The following SIMC1 variants were observed in gnomAD, a reference collection of about 807,000 sequenced individuals.
SIMC1 encodes SUMO interacting motifs containing 1, also known as SUMO-interacting motif-containing protein 1.
A neutral mutation model predicts 82.3 loss-of-function variants in SIMC1; 55 were observed. The observed-to-expected ratio is 0.67, with a 90% confidence interval of 0.54 to 0.84. The LOEUF (loss-of-function observed/expected upper bound fraction) is 0.84. Ranked by LOEUF, SIMC1 falls within the 40% of genes least tolerant of loss-of-function variation. SIMC1 has a pLI of 0.00. For missense variants in SIMC1, 915 were observed against 1,107.2 expected, an observed-to-expected ratio of 0.83 and a Z score of 2.46; for synonymous variants, 353 against 426.3, an observed-to-expected ratio of 0.83 and a Z score of 2.12.
At chr5:176,299,161 A>G (rs946500152) in intron 4 of SIMC1, among the ~76,000 whole-genome samples, 30 of 152,228 alleles carry the variant, frequency 2.0e-4, no homozygotes, top group African/African-American at 6.8e-4. Context: ...TGGGAGACCA[A>G]TGTAGAAGGA....
At position 176,332,412 on chromosome 5, in the gene SIMC1, T is replaced by C. The variant is rs183028890; in HGVS notation, c.2172-4308T>C. Among the ~76,000 whole-genome samples, 351 of 152,280 alleles carry C rather than the reference T, an allele frequency of 2.3e-3. 2 individuals carry two copies. Among genetic ancestry groups the C allele is most frequent in the African/African-American group, 8.1e-3 (337 of 41,562 alleles). On this transcript the variant is annotated intron_variant, in intron 7 of 9. Transcript: ENST00000429602. ...TTCAAGAGATTCTCCTGCCTCAGCC[T>C]CCCAAGTAGCTGGGATTACAGGCAT...
chr5:176,282,547 C>T (rs1433634903), intron 1 of SIMC1, among the ~76,000 whole-genome samples: 17 of 152,106 alleles, frequency 1.1e-4, no homozygotes, highest in South Asian at 6.2e-4. Flanking sequence ...AGCTGTAGAC[C>T]GGAGCTGTTC....
rs146807539 is a variant in SIMC1 at position 176,330,253 on chromosome 5, T to C, written c.2171+5496T>C. On this transcript the variant is annotated intron_variant, in intron 7 of 9. Transcript: ENST00000429602. Reference sequence around the variant, plus strand: ...CTGTCTCTACTAAAAATAAAAAAATTAGCTGGGCATGGTAGCATACGCCTG... The same window carrying C: ...CTGTCTCTACTAAAAATAAAAAAATCAGCTGGGCATGGTAGCATACGCCTG... 2.5e-3 allele frequency among the ~76,000 whole-genome samples: 383 copies of C among 152,132 alleles called. 3 individuals are homozygous for C. Among genetic ancestry groups the C allele is most frequent in the African/African-American group, 8.7e-3 (363 of 41,534 alleles).
intron 9 of SIMC1, among the ~76,000 whole-genome samples, chr5:176,339,810 A>C (rs1353679877): frequency 6.6e-6 from 1 of 152,190 alleles, no homozygotes; most frequent in African/African-American, 2.4e-5. Context: ...AAGAGTTAGG[A>C]AGGAGGAAAA....
intron 7 of SIMC1, among the ~76,000 whole-genome samples, chr5:176,329,623 G>T (rs1053127642): frequency 1.5e-4 from 23 of 151,850 alleles, no homozygotes; most frequent in African/African-American, 5.3e-4. Context: ...CTCTGACTGT[G>T]TCAAAGTAAC....
chr5:176,271,614 G>T (rs1410504002), intron 1 of SIMC1, among the ~76,000 whole-genome samples: 1 of 151,314 alleles, frequency 6.6e-6, no homozygotes, highest in Non-Finnish European at 1.5e-5. Flanking sequence ...TGGTTAATGG[G>T]TACAAAAATA....
rs187422593 is a variant in SIMC1 at position 176,303,540 on chromosome 5, G to A, written c.1734+7220G>A. Among the ~76,000 whole-genome samples the A allele has an allele frequency of 3.0e-4, 46 of 152,072 alleles. No homozygotes were observed. The South Asian group carries it at 7.9e-3, about 26-fold the overall frequency. Reference sequence around the variant, plus strand: ...TCTCCATGTTGATCAGGCTGGTCTCGAACTCCCGACCTCAGATGATCCGCC... The same window carrying A: ...TCTCCATGTTGATCAGGCTGGTCTCAAACTCCCGACCTCAGATGATCCGCC... On this transcript the variant is annotated intron_variant, in intron 4 of 9. Transcript: ENST00000429602.
intron 4 of SIMC1, among the ~76,000 whole-genome samples, chr5:176,309,780 T>G (rs1478501592): frequency 2.0e-5 from 3 of 151,982 alleles, no homozygotes; most frequent in African/African-American, 7.3e-5. Context: ...ACAAAAAAAT[T>G]TTTTTAAAAA....
At chr5:176,252,668 G>A (rs1412863277) in intron 1 of SIMC1, among the ~76,000 whole-genome samples, 2 of 150,808 alleles carry the variant, frequency 1.3e-5, no homozygotes, top group Non-Finnish European at 1.5e-5. Flanking sequence ...GGGCAGCCAG[G>A]CAGAGGGGCT....
chr5:176,282,715 C>T (rs1310635917), intron 1 of SIMC1, among the ~76,000 whole-genome samples: 1 of 152,214 alleles, frequency 6.6e-6, no homozygotes, highest in Non-Finnish European at 1.5e-5. Context: ...TTCAGACAAT[C>T]AAACTTCTTC....
At chr5:176,308,589 A>G in intron 4 of SIMC1, 1 of 1,585,374 alleles carries the variant, frequency 6.3e-7, no homozygotes, top group Non-Finnish European at 8.7e-7. Context: ...CTTCCAATCC[A>G]TACAGGCCCA....
At chr5:176,311,157 C>T (rs2113338638) in intron 4 of SIMC1, among the ~76,000 whole-genome samples, 1 of 152,234 alleles carries the variant, frequency 6.6e-6, no homozygotes, top group Admixed American at 6.5e-5. Flanking sequence ...GTAATGTTTG[C>T]ACAACTCAGT....
chr5:176,336,952 T>C, intron 8 of SIMC1, 76 bp downstream of exon 8: 1 of 1,602,088 alleles, frequency 6.2e-7, no homozygotes, highest in Non-Finnish European at 8.5e-7. Context: ...CCATAGGATT[T>C]TAGCTTAAAA....
chr5:176,267,657 G>T (rs1762248547), intron 1 of SIMC1, among the ~76,000 whole-genome samples: 2 of 94,124 alleles, frequency 2.1e-5, no homozygotes, highest in South Asian at 4.0e-4. Context: ...ACAGGATGAG[G>T]CACAGGTGAG....
chr5:176,334,689 C>G (rs559295962), intron 7 of SIMC1, among the ~76,000 whole-genome samples: 3 of 152,278 alleles, frequency 2.0e-5, no homozygotes, highest in Non-Finnish European at 4.4e-5. Context: ...CCCAAGAAGC[C>G]CCCTCTCTTC....
chr5:176,314,666 T>A (rs1764821292), intron 5 of SIMC1, among the ~76,000 whole-genome samples: 1 of 152,198 alleles, frequency 6.6e-6, no homozygotes, highest in African/African-American at 2.4e-5. Context: ...AACTACTATA[T>A]GCTTATACCA....
chr5:176,330,556 A>G lies in SIMC1; in HGVS notation c.2171+5799A>G, dbSNP rs573929531. Among the ~76,000 whole-genome samples, 195 of 152,328 alleles carry G rather than the reference A, an allele frequency of 1.3e-3. 1 individual carries two copies. The highest frequency in any genetic ancestry group is 4.5e-3 in the African/African-American group (189 of 41,572). ...GAACATGTCAAAAGACACAGGAGTC[A>G]GCTTAAAGGGGCTTTCAGTGACCAA... On this transcript the variant is annotated intron_variant, in intron 7 of 9. Coordinates refer to ENST00000429602, the MANE Select transcript of SIMC1 (RefSeq NM_001308195.2).
intron 1 of SIMC1, among the ~76,000 whole-genome samples, chr5:176,271,449 G>A (rs1008733454): frequency 6.6e-6 from 1 of 152,112 alleles, no homozygotes; most frequent in African/African-American, 2.4e-5. Flanking sequence ...TTCCAGAACT[G>A]GACGACATTC....
rs1041265556 is a variant in SIMC1, at chr5:176,329,383, A to G, written c.2171+4626A>G. Reference sequence around the variant, plus strand: ...CTACTCGGGAGGCTGAGGCAGGAGAATGGCGTGAACCCGGGAGGCGGAGCT... The same window carrying G: ...CTACTCGGGAGGCTGAGGCAGGAGAGTGGCGTGAACCCGGGAGGCGGAGCT... On this transcript the variant is annotated intron_variant, in intron 7 of 9. Transcript: ENST00000429602. Among the ~76,000 whole-genome samples, 6 of 152,048 alleles carry G rather than the reference A, an allele frequency of 3.9e-5. No individual in the cohort carries two copies. The East Asian group carries it at 1.2e-3, about 29-fold the overall frequency.
Sources: allele counts gnomAD v4.1 joint callset (sites outside exome capture counted in the v4.1 genomes callset), GRCh38; gene constraint gnomAD v4.1.1; transcripts MANE v1.5; gene names NCBI Gene and HGNC (gene_info 2026-07-23, HGNC 2026-07-21).